Variants in ARFGEF3 observed in about 807,000 individuals in gnomAD.
ARFGEF3 encodes brefeldin A-inhibited guanine nucleotide-exchange protein 3.
Under a neutral mutation model 221.7 loss-of-function variants are expected in ARFGEF3, and 96 were observed. That is an observed-to-expected ratio of 0.43 (90% CI 0.37 to 0.51). ARFGEF3 has a LOEUF of 0.51. Among genes scored for constraint, ARFGEF3 ranks in the 20% least tolerant of loss-of-function variants. The pLI, the probability that ARFGEF3 is intolerant of heterozygous loss-of-function variation, is 0.00. For synonymous variants in ARFGEF3, 1,145 were observed against 1,126.8 expected (o/e 1.02, Z -0.32); for missense variants, 2,410 against 2,789.9 (o/e 0.86, Z 3.07).
At chr6:138,181,277 A>T (rs80247604) in intron 2 of ARFGEF3, among the ~76,000 whole-genome samples, 1 of 152,134 alleles carries the variant, frequency 6.6e-6, no homozygotes, top group Non-Finnish European at 1.5e-5. Flanking sequence ...ATATTTTAGG[A>T]TGTGCACGAA....
intron 2 of ARFGEF3, among the ~76,000 whole-genome samples, chr6:138,175,809 G>A (rs1164307302): frequency 1.3e-5 from 2 of 152,182 alleles, no homozygotes; most frequent in Non-Finnish European, 2.9e-5. Flanking sequence ...TTGATTTTCT[G>A]TCCTGACAAC....
rs1413130473 is a variant in ARFGEF3, at chr6:138,291,867, C to T, written c.3182C>T (p.Ser1061Leu). 2.0e-6 allele frequency: 3 copies of T among 1,496,194 alleles called. No individual in the cohort carries two copies. Among genetic ancestry groups the T allele is most frequent in the African/African-American group, 2.9e-5 (2 of 69,438 alleles). 92.7% of individuals were successfully genotyped at this position (1,496,194 alleles called of 1,614,324 possible). The change falls in exon 19 of 34, where the codon TCG becomes TTG. Residue 1061 changes from serine to leucine, a missense_variant. Ser to Leu is a moderately radical substitution (Grantham distance 145). Around this residue, in one of 5 missense-constraint regions of ARFGEF3, gnomAD observed 184 missense variants for 141.8 expected, o/e 1.30. Coordinates refer to ENST00000251691, the MANE Select transcript of ARFGEF3 (RefSeq NM_020340.5). This position sits in a 1 kb window ranked among gnomAD's most constrained non-coding sequence, Gnocchi z 4.5. ...CTTGGGGACCCCGAGTGTGAGGGCTCGCCCCCCGAGCACAGCCCGGAGCAG... is the reference window on the plus strand; with the variant it reads ...CTTGGGGACCCCGAGTGTGAGGGCTTGCCCCCCGAGCACAGCCCGGAGCAG... ...GLLGDPECEG[S>L]PPEHSPEQGR...
intron 4 of ARFGEF3, among the ~76,000 whole-genome samples, chr6:138,224,013 G>A (rs549741478): frequency 7.2e-5 from 11 of 152,370 alleles, no homozygotes; most frequent in Admixed American, 7.2e-4. Flanking sequence ...TATTTGTTGA[G>A]TGAATGAATA....
At chr6:138,169,751 T>C (rs1776791203) in intron 1 of ARFGEF3, among the ~76,000 whole-genome samples, 1 of 152,252 alleles carries the variant, frequency 6.6e-6, no homozygotes, top group African/African-American at 2.4e-5. Flanking sequence ...GCTGATTAAT[T>C]GTCTTTCTGA....
Position 138,317,296 on chromosome 6 carries a change from C to T in ARFGEF3, c.4391C>T (p.Ala1464Val), listed in dbSNP as rs1287152885. ...ATCCTGCTGGAGCAGCTGACAGCGG[C>T]TGTGTCCAATTGTCCACGGCAGCAC... Reference protein sequence around the residue: ...WIILLEQLTAAVSNCPRQHQP... With the variant: ...WIILLEQLTAVVSNCPRQHQP... Residue 1464 changes from alanine (A) to valine (V), a missense_variant, in exon 27 of 34, where the codon GCT becomes GTT. By Grantham distance (64) the Ala-to-Val change is moderately conservative (BLOSUM62 0). This residue lies in a region of ARFGEF3 where 723 missense variants were observed against 991.9 expected (regional missense o/e 0.73). Coordinates refer to ENST00000251691, the MANE Select transcript of ARFGEF3 (RefSeq NM_020340.5). 1.9e-6 allele frequency: 3 copies of T among 1,614,010 alleles called. No homozygotes were observed. Among genetic ancestry groups the T allele is most frequent in the Admixed American group, 1.7e-5 (1 of 60,028 alleles).
In ARFGEF3 at chr6:138,322,029, A is replaced by G. The variant is rs139630521; in HGVS notation, c.4766+804A>G. 1.6e-4 allele frequency among the ~76,000 whole-genome samples: 24 copies of G among 152,272 alleles called. No individual in the cohort carries two copies. In the East Asian group the frequency reaches 4.6e-3, roughly 29 times the overall value. On this transcript the variant is annotated intron_variant, in intron 29 of 33. Transcript: ENST00000251691. ...ACAGGGTACCCAGACATTTGGCCAA[A>G]CATTATTGTGGGTGTGTCTCTGGGG...
chr6:138,223,673 T>C lies in ARFGEF3; in HGVS notation c.352-6111T>C, dbSNP rs147707803. On this transcript the variant is annotated intron_variant, in intron 4 of 33. Transcript: ENST00000251691. ...CCATATGGCATAGGGGTAGGTTGAC[T>C]CCCCAAAATCAGCTCACATTTTGAT... Among the ~76,000 whole-genome samples the C allele has an allele frequency of 2.0e-3, 302 of 152,302 alleles. 4 individuals are homozygous for C. Among genetic ancestry groups the C allele is most frequent in the Admixed American group, 0.012 (191 of 15,298 alleles).
At chr6:138,328,173 C>T in intron 32 of ARFGEF3, 31 bp downstream of exon 32, 1 of 1,555,864 alleles carries the variant, frequency 6.4e-7, no homozygotes, top group Non-Finnish European at 8.7e-7. Context: ...TCATAGGGTG[C>T]TTATAAATAA....
intron 5 of ARFGEF3, among the ~76,000 whole-genome samples, chr6:138,233,832 T>C (rs1778237188): frequency 6.6e-6 from 1 of 152,216 alleles, no homozygotes; most frequent in South Asian, 2.1e-4. Flanking sequence ...TGTTATGTTA[T>C]ATTCTCTGCA....
intron 4 of ARFGEF3, among the ~76,000 whole-genome samples, chr6:138,228,172 A>ATTTT (rs549915422): frequency 1.5e-4 from 16 of 106,436 alleles, no homozygotes; most frequent in Non-Finnish European, 1.8e-4. Context: ...CACTGAGACA[A>ATTTT]TTTTTTTTTT....
intron 22 of ARFGEF3, among the ~76,000 whole-genome samples, chr6:138,305,299 A>T (rs889926133): frequency 6.6e-6 from 1 of 152,040 alleles, no homozygotes; most frequent in Admixed American, 6.6e-5. Flanking sequence ...ACAAAAAAAA[A>T]AAATCCTTTA....
At chr6:138,323,398 G>A (rs1328887677) in intron 29 of ARFGEF3, among the ~76,000 whole-genome samples, 4 of 152,260 alleles carry the variant, frequency 2.6e-5, no homozygotes, top group Admixed American at 2.0e-4. Context: ...GATCACCTGA[G>A]GATGGGAGTT....
At position 138,238,581 on chromosome 6, in the gene ARFGEF3, C is replaced by G. The variant is rs774834515; in HGVS notation, c.493C>G (p.Gln165Glu). The change falls in exon 6 of 34, where the codon CAA (glutamine) becomes GAA (glutamate). Residue 165 changes from glutamine (Q) to glutamate (E), a missense_variant. Gln to Glu is a conservative substitution (Grantham distance 29). Coordinates refer to ENST00000251691, the MANE Select transcript of ARFGEF3 (RefSeq NM_020340.5). ...INTAVRATLS[Q>E]MLSDLTLQLR... ...CACTGCTGTGCGGGCAACTCTCAGTCAAATGCTGAGTGACTTGACTTTACA... is the reference window on the plus strand; with the variant it reads ...CACTGCTGTGCGGGCAACTCTCAGTGAAATGCTGAGTGACTTGACTTTACA... 1.9e-6 allele frequency: 3 copies of G among 1,613,754 alleles called. No homozygotes were observed. Among genetic ancestry groups the G allele is most frequent in the Non-Finnish European group, 2.5e-6 (3 of 1,179,732 alleles).
intron 10 of ARFGEF3, among the ~76,000 whole-genome samples, chr6:138,259,846 G>A (rs1018816998): frequency 6.6e-5 from 10 of 152,092 alleles, no homozygotes; most frequent in African/African-American, 1.7e-4. Flanking sequence ...CCCAGGAGGC[G>A]GAGGTTGCAG....
chr6:138,202,904 CCA>C (rs140250634), intron 2 of ARFGEF3, among the ~76,000 whole-genome samples: 14 of 148,422 alleles, frequency 9.4e-5, no homozygotes, highest in East Asian at 3.9e-4. Context: ...GCACACACAC[CCA>C]CACACACACA....
intron 2 of ARFGEF3, among the ~76,000 whole-genome samples, chr6:138,176,688 C>G (rs1160960926): frequency 6.6e-6 from 1 of 151,756 alleles, no homozygotes; most frequent in Non-Finnish European, 1.5e-5. Context: ...TTCTCTTAAT[C>G]CTTTGATTGC....
At position 138,255,653 on chromosome 6, in the gene ARFGEF3, G is replaced by A; in HGVS notation, c.988G>A (p.Val330Ile). Residue 330 changes from valine to isoleucine, a missense_variant, in exon 10 of 34, where the codon GTC becomes ATC. This residue lies in a region of ARFGEF3 where 570 missense variants were observed against 586.9 expected (regional missense o/e 0.97). Transcript: ENST00000251691. The stretch of plus-strand genomic sequence containing the variant: ...TATCTATTACATCGCAGCCGAGCTG[G>A]TCCGGCTGGTGGGGTCTGTGGACTC... ...RTIYYIAAELVRLVGSVDSMK... is the reference protein window; with the variant it reads ...RTIYYIAAELIRLVGSVDSMK... The A allele has an allele frequency of 6.2e-7, 1 of 1,613,864 alleles. No homozygotes were observed.
At chr6:138,269,100 C>T (rs1778948048) in intron 12 of ARFGEF3, among the ~76,000 whole-genome samples, 1 of 152,228 alleles carries the variant, frequency 6.6e-6, no homozygotes, top group Non-Finnish European at 1.5e-5. Context: ...TCATAGGCTC[C>T]CTAAGGGTCC....
chr6:138,286,193 G>A (rs1202281058), intron 15 of ARFGEF3, 140 bp downstream of exon 15: 6 of 614,628 alleles, frequency 9.8e-6, no homozygotes, highest in Non-Finnish European at 1.7e-5. Context: ...GCTCACGCCT[G>A]TAATCCCAGC....
Sources: allele counts gnomAD v4.1 joint callset (sites outside exome capture counted in the v4.1 genomes callset), GRCh38; gene constraint gnomAD v4.1.1; regional missense constraint gnomAD v4.1.1; non-coding constraint Gnocchi (gnomAD v3.1); transcripts MANE v1.5; gene names NCBI Gene and HGNC (gene_info 2026-07-23, HGNC 2026-07-21).